Variants in TACC1 observed in about 807,000 individuals in gnomAD.
The protein encoded by TACC1 is transforming acidic coiled-coil containing protein 1, also known as transforming acidic coiled-coil-containing protein 1.
Under a neutral mutation model 84.4 loss-of-function variants are expected in TACC1, and 48 were observed. That is an observed-to-expected ratio of 0.57 (90% CI 0.45 to 0.72). The LOEUF is 0.72. Ranked by LOEUF, TACC1 falls within the 30% of genes least tolerant of loss-of-function variation. The pLI, the probability that TACC1 is intolerant of heterozygous loss-of-function variation, is 0.00. For synonymous variants in TACC1, 372 were observed against 376.3 expected, an observed-to-expected ratio of 0.99 and a Z score of 0.13; for missense variants, 920 against 973.0, an observed-to-expected ratio of 0.95 and a Z score of 0.72.
chr8:38,734,403 G>A (rs966669353), intron 1 of TACC1, among the ~76,000 whole-genome samples: 1 of 152,088 alleles, frequency 6.6e-6, no homozygotes, highest in Non-Finnish European at 1.5e-5. Context: ...TGTTGGCCAG[G>A]CAGGCTGGTC....
chr8:38,808,599 GA>G (rs756463987), intron 2 of TACC1, among the ~76,000 whole-genome samples: 2 of 152,150 alleles, frequency 1.3e-5, no homozygotes, highest in Non-Finnish European at 2.9e-5. Context: ...ATTTTTTGTA[GA>G]GATGGGGTTT....
intron 3 of TACC1, among the ~76,000 whole-genome samples, chr8:38,759,886 C>T (rs1351995447): frequency 6.6e-6 from 1 of 152,194 alleles, no homozygotes; most frequent in Non-Finnish European, 1.5e-5. Flanking sequence ...CGACAAGTCT[C>T]TCCAGGATAC....
chr8:38,848,080 A>G lies in TACC1; in HGVS notation c.*57A>G, dbSNP rs1244782081. The G allele has an allele frequency of 6.6e-7, 1 of 1,518,906 alleles. No homozygotes were observed. Among genetic ancestry groups the G allele is most frequent in the Non-Finnish European group, 9.1e-7 (1 of 1,104,866 alleles). The allele number at this position is 1,518,906 out of a possible 1,614,324, so 94.1% of individuals were successfully genotyped here. ...ATTTGGCTGCTTCTCTTGTGACCAC[A>G]ATTATCTTGCCTTATCCAGGAATAA... is the stretch of plus-strand genomic sequence containing the variant. On this transcript the variant is annotated 3_prime_UTR_variant, in exon 13 of 13. Transcript: ENST00000317827.
intron 8 of TACC1, 76 bp from the exon 9 acceptor site, chr8:38,840,148 G>T: frequency 2.8e-6 from 3 of 1,086,290 alleles, no homozygotes; most frequent in Non-Finnish European, 2.7e-6. Flanking sequence ...GTGTTTAATT[G>T]TTTGGGACAG....
At chr8:38,769,787 G>C (rs1813181546) in intron 3 of TACC1, among the ~76,000 whole-genome samples, 1 of 149,062 alleles carries the variant, frequency 6.7e-6, no homozygotes, top group South Asian at 2.1e-4. Flanking sequence ...TGGGTTGGGG[G>C]TGTGGTGTGT....
intron 3 of TACC1, among the ~76,000 whole-genome samples, chr8:38,767,646 C>G (rs569871207): frequency 1.8e-4 from 27 of 152,248 alleles, no homozygotes; most frequent in Admixed American, 5.9e-4. Context: ...CCACCATCCA[C>G]TAAGTTTTTG....
At position 38,827,320 on chromosome 8, in the gene TACC1, A is replaced by G. The variant is rs372812612; in HGVS notation, c.1605A>G (p.Glu535=). Residue 535 remains glutamate, a synonymous_variant, in exon 5 of 13, where the codon GAA becomes GAG. Coordinates refer to ENST00000317827, the MANE Select transcript of TACC1 (RefSeq NM_006283.3). ...GEPEEDLEYF[E]CSNVPVSTIN... is the part of the protein sequence containing the mutation. ...CAGAGGAAGACCTGGAGTACTTTGAATGTTCCAATGTTCCTGTGTCTACCA... is the reference window on the plus strand; with the variant it reads ...CAGAGGAAGACCTGGAGTACTTTGAGTGTTCCAATGTTCCTGTGTCTACCA... The G allele has an allele frequency of 1.1e-5, 17 of 1,614,098 alleles. No individual in the cohort carries two copies. In the African/African-American group the frequency reaches 2.1e-4, roughly 20 times the overall value.
At chr8:38,755,750 AAC>A (rs1491292955) in intron 3 of TACC1, among the ~76,000 whole-genome samples, 256 of 91,658 alleles carry the variant, frequency 2.8e-3, no homozygotes, top group Non-Finnish European at 4.2e-3. Flanking sequence ...CAACAACAAC[AAC>A]AGAGTGTTCC....
intron 3 of TACC1, among the ~76,000 whole-genome samples, chr8:38,778,651 T>A (rs533772353): frequency 1.2e-4 from 19 of 152,310 alleles, no homozygotes; most frequent in African/African-American, 4.3e-4. Flanking sequence ...CTTTAGCATT[T>A]TTCTTAAAGA....
intron 1 of TACC1, among the ~76,000 whole-genome samples, chr8:38,731,584 G>A (rs1010370474): frequency 6.6e-6 from 1 of 152,168 alleles, no homozygotes; most frequent in African/African-American, 2.4e-5. Context: ...ACTGGTGTTT[G>A]AAACTATAAA....
intron 3 of TACC1, among the ~76,000 whole-genome samples, chr8:38,769,226 T>A (rs1812946349): frequency 7.0e-6 from 1 of 142,970 alleles, no homozygotes; most frequent in South Asian, 2.3e-4. Context: ...TGTGTATGTG[T>A]ATGAGACTGT....
chr8:38,785,703 G>A (rs146864045), upstream of TACC1: 144 of 985,466 alleles, frequency 1.5e-4, no homozygotes, highest in African/African-American at 2.4e-3. Flanking sequence ...AAATCCAGGA[G>A]CCTGGGGGAC....
chr8:38,815,684 G>T (rs1432418577), intron 2 of TACC1, among the ~76,000 whole-genome samples: 2 of 152,110 alleles, frequency 1.3e-5, no homozygotes, highest in African/African-American at 2.4e-5. Flanking sequence ...CTCCCAAAGT[G>T]CTGGGATTAC....
chr8:38,780,631 G>GTT (rs111820072), intron 3 of TACC1, among the ~76,000 whole-genome samples: 234 of 143,708 alleles, frequency 1.6e-3, no homozygotes, highest in African/African-American at 4.1e-3. Flanking sequence ...GTTTTTTTTT[G>GTT]TTTTTTTTTT....
Position 38,809,100 on chromosome 8 carries a change from C to T in TACC1, c.278-10422C>T, listed in dbSNP as rs545258920. Among the ~76,000 whole-genome samples, 7 of 152,126 alleles carry T rather than the reference C, an allele frequency of 4.6e-5. No individual in the cohort carries two copies. The South Asian group carries it at 8.3e-4, about 18-fold the overall frequency. On this transcript the variant is annotated intron_variant, in intron 2 of 12. Coordinates refer to ENST00000317827, the MANE Select transcript of TACC1 (RefSeq NM_006283.3). ...CCCTCTGCCCAGCCTGGGGACTGAG[C>T]GGGGTGGTGTTTGTTTTCCTTCTGC...
intron 2 of TACC1, among the ~76,000 whole-genome samples, chr8:38,814,281 G>A (rs1293805025): frequency 2.6e-5 from 4 of 152,178 alleles, no homozygotes; most frequent in African/African-American, 9.7e-5. Flanking sequence ...GATAGTTTCA[G>A]GGTCAGAATT....
chr8:38,731,642 G>A (rs1804936844), intron 1 of TACC1, among the ~76,000 whole-genome samples: 4 of 152,140 alleles, frequency 2.6e-5, no homozygotes, highest in Admixed American at 2.0e-4. Flanking sequence ...CTGGGGAGAG[G>A]AGGATTGTGC....
chr8:38,758,711 A>G (rs1462618788), intron 3 of TACC1, among the ~76,000 whole-genome samples: 1 of 146,980 alleles, frequency 6.8e-6, no homozygotes, highest in Non-Finnish European at 1.5e-5. Flanking sequence ...AAAAGCTGAG[A>G]TTTACTGAGC....
At position 38,848,705 on chromosome 8, in the gene TACC1, C is replaced by T. The variant is rs926019464; in HGVS notation, c.*682C>T. ...ATTTGGGGGATTAAAGATGTGAAGACCACAGTCTTGGGTTTTCATATCTGG... is the reference window on the plus strand; with the variant it reads ...ATTTGGGGGATTAAAGATGTGAAGATCACAGTCTTGGGTTTTCATATCTGG... On this transcript the variant is annotated 3_prime_UTR_variant, in exon 13 of 13. Coordinates refer to ENST00000317827, the MANE Select transcript of TACC1 (RefSeq NM_006283.3). 3.3e-5 allele frequency: 5 copies of T among 152,528 alleles called. No homozygotes were observed. Among genetic ancestry groups the T allele is most frequent in the African/African-American group, 1.2e-4 (5 of 41,458 alleles). 9.4% of individuals were successfully genotyped at this position (152,528 alleles called of 1,614,324 possible). A position where few individuals can be genotyped will look rare whatever the true frequency, so the allele number is the denominator to read the frequency against.
Sources: allele counts gnomAD v4.1 joint callset (sites outside exome capture counted in the v4.1 genomes callset), GRCh38; gene constraint gnomAD v4.1.1; transcripts MANE v1.5; gene names NCBI Gene and HGNC (gene_info 2026-07-23, HGNC 2026-07-21).